The following DLGAP2 variants were observed in gnomAD, a reference collection of about 807,000 sequenced individuals.
DLGAP2 encodes DLG associated protein 2.
Under a neutral mutation model 100.3 loss-of-function variants are expected in DLGAP2, and 26 were observed. The observed-to-expected ratio is 0.26, with a 90% CI of 0.19 to 0.36. The LOEUF (loss-of-function observed/expected upper bound fraction) is 0.36. Among genes scored for constraint, DLGAP2 ranks in the 10% least tolerant of loss-of-function variants. The probability of loss-of-function intolerance (pLI) is 1.00; values close to 1 mark genes in which losing one functional copy is unlikely to be tolerated. For missense variants in DLGAP2, 1,858 were observed against 1,453.2 expected (o/e 1.28, Z -4.53); for synonymous variants, 886 against 630.1 (o/e 1.41, Z -6.08).
chr8:984,242 C>T (rs1800423815), intron 2 of DLGAP2, among the ~76,000 whole-genome samples: 1 of 152,218 alleles, frequency 6.6e-6, no homozygotes. Context: ...ACAGCTTTGT[C>T]AGCCTGTTTT....
intron 2 of DLGAP2, among the ~76,000 whole-genome samples, chr8:1,195,202 C>T (rs1797725366): frequency 6.6e-6 from 1 of 152,204 alleles, no homozygotes; most frequent in Non-Finnish European, 1.5e-5. Flanking sequence ...GCCCCATGGT[C>T]ATCCCAGCTG....
intron 1 of DLGAP2, among the ~76,000 whole-genome samples, chr8:855,767 T>A (rs1432269797): frequency 6.6e-6 from 1 of 152,218 alleles, no homozygotes; most frequent in Admixed American, 6.5e-5. Context: ...TCAGTTGATG[T>A]AATCATCGCA....
chr8:1,565,657 C>A lies in DLGAP2; in HGVS notation c.1231-26C>A, dbSNP rs762893654. The A allele has an allele frequency of 1.1e-5, 18 of 1,581,548 alleles. No individual in the cohort carries two copies. In the Admixed American group the frequency reaches 1.4e-4, roughly 12 times the overall value. On this transcript the variant is annotated intron_variant, in intron 5 of 14. Coordinates refer to ENST00000637795, the MANE Select transcript of DLGAP2 (RefSeq NM_001346810.2). ...GCCGTTCTCAGTGACAAAGTTGATG[C>A]GTGTTTCATGTCTGTCTGCTCCCAG...
intron 2 of DLGAP2, among the ~76,000 whole-genome samples, chr8:1,053,678 C>T (rs913067939): frequency 3.6e-4 from 55 of 152,240 alleles, no homozygotes; most frequent in Admixed American, 1.8e-3. Flanking sequence ...TGCAAAGGAC[C>T]CAGTCTTTCT....
rs150435859 is a variant in DLGAP2, at chr8:1,462,685, G to T, written c.107-38681G>T. Among the ~76,000 whole-genome samples, 4 of 152,162 alleles carry T rather than the reference G, an allele frequency of 2.6e-5. No homozygotes were observed. The South Asian group carries it at 6.2e-4, about 24-fold the overall frequency. On this transcript the variant is annotated intron_variant, in intron 3 of 14. Coordinates refer to ENST00000637795, the MANE Select transcript of DLGAP2 (RefSeq NM_001346810.2). ...AGCCTCCAGGACTCAGGCTGCCAGC[G>T]TGGGTGGCTGGGGAAGGGGAAGGGA... is the stretch of plus-strand genomic sequence containing the variant.
At chr8:888,629 C>T (rs1242618787) in intron 1 of DLGAP2, among the ~76,000 whole-genome samples, 2 of 150,526 alleles carry the variant, frequency 1.3e-5, no homozygotes, top group Non-Finnish European at 1.5e-5. Flanking sequence ...ATAATCCGGT[C>T]CCTCTTCTGT....
chr8:1,352,797 C>G (rs571190734), intron 3 of DLGAP2, among the ~76,000 whole-genome samples: 2 of 152,282 alleles, frequency 1.3e-5, no homozygotes, highest in East Asian at 3.9e-4. Context: ...ATGCCACTCC[C>G]CAGCCCCTAC....
rs565776983 is a variant in DLGAP2, at chr8:1,165,192, A to G, written c.74-93659A>G. Among the ~76,000 whole-genome samples, 12 of 93,964 alleles carry G rather than the reference A, an allele frequency of 1.3e-4. No individual in the cohort carries two copies. In the Admixed American group the frequency reaches 1.4e-3, roughly 11 times the overall value. The allele number at this position is 93,964 out of a possible 152,430, so 61.6% of individuals were successfully genotyped here. On this transcript the variant is annotated intron_variant, in intron 2 of 14. Coordinates refer to ENST00000637795, the MANE Select transcript of DLGAP2 (RefSeq NM_001346810.2). ...AGAGAGAGAGGGAGGGTGGGAGGGA[A>G]GGAGGGAGGTAGAGGGGGAGATGGG...
intron 10 of DLGAP2, among the ~76,000 whole-genome samples, chr8:1,670,064 C>T (rs1798652349): frequency 6.6e-6 from 1 of 152,140 alleles, no homozygotes; most frequent in Admixed American, 6.5e-5. Flanking sequence ...GTCACGTCTG[C>T]AGTAGAGACT....
chr8:1,190,812 G>A (rs983443180), intron 2 of DLGAP2, among the ~76,000 whole-genome samples: 5 of 151,950 alleles, frequency 3.3e-5, no homozygotes, highest in Non-Finnish European at 7.4e-5. Flanking sequence ...CGTGGGGTCT[G>A]TAGGGGGCAG....
chr8:1,159,785 G>A (rs1295052488), intron 2 of DLGAP2, among the ~76,000 whole-genome samples: 2 of 152,282 alleles, frequency 1.3e-5, no homozygotes, highest in Non-Finnish European at 2.9e-5. Flanking sequence ...TTCAAGGAAC[G>A]AATGAAAAGT....
At chr8:1,111,748 A>G (rs1455593287) in intron 2 of DLGAP2, among the ~76,000 whole-genome samples, 1 of 152,108 alleles carries the variant, frequency 6.6e-6, no homozygotes, top group Non-Finnish European at 1.5e-5. Flanking sequence ...TATTCTTTTT[A>G]TGGCTGTATA....
chr8:1,200,327 A>T (rs1253324932), intron 2 of DLGAP2, among the ~76,000 whole-genome samples: 1 of 152,188 alleles, frequency 6.6e-6, no homozygotes, highest in Admixed American at 6.5e-5. Flanking sequence ...CACTGAGCTC[A>T]GTCCCGTGGC....
At chr8:1,434,862 C>T (rs1412288382) in intron 3 of DLGAP2, among the ~76,000 whole-genome samples, 9 of 152,154 alleles carry the variant, frequency 5.9e-5, no homozygotes, top group African/African-American at 1.2e-4. Flanking sequence ...ATCCTTCCTC[C>T]CCTCCCTCCT....
At chr8:912,312 G>A (rs920692373) in intron 2 of DLGAP2, among the ~76,000 whole-genome samples, 2 of 152,214 alleles carry the variant, frequency 1.3e-5, no homozygotes, top group Non-Finnish European at 2.9e-5. Context: ...ATGTATAAAA[G>A]TTGGGTGGAA....
intron 2 of DLGAP2, among the ~76,000 whole-genome samples, chr8:1,097,433 G>A (rs200827865): frequency 0.039 from 5,092 of 130,550 alleles, 2 homozygotes; most frequent in African/African-American, 0.11. Context: ...CCCCTCCAGC[G>A]TGAGACCCAC....
chr8:1,448,383 G>A (rs1288951347), intron 3 of DLGAP2, among the ~76,000 whole-genome samples: 1 of 152,178 alleles, frequency 6.6e-6, no homozygotes, highest in South Asian at 2.1e-4. Context: ...CAGTTTCCAT[G>A]TAGTTGAGTG....
chr8:1,309,302 G>A (rs1251561567), intron 3 of DLGAP2, among the ~76,000 whole-genome samples: 1 of 152,154 alleles, frequency 6.6e-6, no homozygotes, highest in Non-Finnish European at 1.5e-5. Flanking sequence ...CAAAAGACAT[G>A]TTATAATCAA....
intron 3 of DLGAP2, among the ~76,000 whole-genome samples, chr8:1,370,927 G>T (rs375480498): frequency 6.6e-5 from 10 of 152,222 alleles, no homozygotes; most frequent in African/African-American, 2.4e-4. Context: ...TTACACCATG[G>T]ATAGAATTTG....
Sources: allele counts gnomAD v4.1 joint callset (sites outside exome capture counted in the v4.1 genomes callset), GRCh38; gene constraint gnomAD v4.1.1; transcripts MANE v1.5; gene names NCBI Gene and HGNC (gene_info 2026-07-23, HGNC 2026-07-21).